P2RY8: variants seen among roughly 807,000 people sequenced by gnomAD.
P2RY8 encodes the protein P2Y receptor family member 8.
P2RY8 carries 6 observed loss-of-function variants against 10.0 expected under a neutral mutation model. The ratio of observed to expected loss-of-function variants is 0.60; its 90% CI spans 0.33 to 1.19. P2RY8 has a LOEUF of 1.19. Among genes scored for constraint, P2RY8 ranks in the 50% most tolerant of loss-of-function variants. The pLI is 0.04. For synonymous variants in P2RY8, 276 were observed against 252.5 expected (o/e 1.09, Z -0.88); for missense variants, 456 against 542.0 (o/e 0.84, Z 1.58).
chrX:1,504,589 T>A (rs1167766223), intron 1 of P2RY8, among the ~76,000 whole-genome samples: 1 of 152,136 alleles, frequency 6.6e-6, no homozygotes, highest in African/African-American at 2.4e-5. Context: ...CAGTGGCTCA[T>A]GCCTGTCATC....
intron 1 of P2RY8, among the ~76,000 whole-genome samples, chrX:1,519,478 A>C (rs2092375491): frequency 6.6e-6 from 1 of 151,040 alleles, no homozygotes; most frequent in South Asian, 2.1e-4. Context: ...GGTTCCCAAT[A>C]ATCTCTCTGG....
chrX:1,488,181 C>T (rs1230440999), intron 1 of P2RY8, among the ~76,000 whole-genome samples: 1 of 152,132 alleles, frequency 6.6e-6, no homozygotes, highest in Non-Finnish European at 1.5e-5. Context: ...AGCTGAGCCC[C>T]CAGGAGCCCC....
Position 1,464,814 on chromosome X carries a change from G to A in P2RY8, c.*665C>T, listed in dbSNP as rs2091640194. ...TGTGTGTGTGGGGGGAAGTGGGCACGGAGAGTAGCTGACTTGCAGGAGCCC... is the reference window on the plus strand; with the variant it reads ...TGTGTGTGTGGGGGGAAGTGGGCACAGAGAGTAGCTGACTTGCAGGAGCCC... On this transcript the variant is annotated 3_prime_UTR_variant, in exon 2 of 2. Coordinates refer to ENST00000381297, the MANE Select transcript of P2RY8 (RefSeq NM_178129.5). 1 of 233,554 alleles carries A rather than the reference G, an allele frequency of 4.3e-6. No homozygotes were observed. Among genetic ancestry groups the A allele is most frequent in the Non-Finnish European group, 8.5e-6 (1 of 118,294 alleles). The allele number at this position is 233,554 out of a possible 1,614,324, so 14.5% of individuals were successfully genotyped here. A position where few individuals can be genotyped will look rare whatever the true frequency, so the allele number is the denominator to read the frequency against.
chrX:1,524,911 A>ATCCC (rs2092429973), intron 1 of P2RY8, among the ~76,000 whole-genome samples: 1 of 151,270 alleles, frequency 6.6e-6, no homozygotes, highest in Admixed American at 6.6e-5. Flanking sequence ...CCATCCATCC[A>ATCCC]TCCATCCATC....
chrX:1,481,005 G>C (rs781158932), intron 1 of P2RY8, among the ~76,000 whole-genome samples: 1 of 151,964 alleles, frequency 6.6e-6, no homozygotes, highest in East Asian at 1.9e-4. Context: ...AGCTCATCAG[G>C]GAATTGCAAA....
intron 1 of P2RY8, among the ~76,000 whole-genome samples, chrX:1,523,347 C>A (rs766585485): frequency 6.6e-6 from 1 of 152,212 alleles, no homozygotes; most frequent in East Asian, 1.9e-4. Flanking sequence ...CCCCAATATT[C>A]TCCCTGGTAC....
Position 1,462,971 on chromosome X carries a change from T to C in P2RY8, c.*2508A>G, listed in dbSNP as rs1176085690. On this transcript the variant is annotated 3_prime_UTR_variant, in exon 2 of 2. Transcript: ENST00000381297. ...AGCCAAGTGGCTGCAAAAATCATCA[T>C]ACTGACAAAAAAAAAAAATCGACGC... The C allele has an allele frequency of 7.3e-5, 11 of 149,746 alleles. No homozygotes were observed. Among genetic ancestry groups the C allele is most frequent in the Non-Finnish European group, 1.5e-4 (11 of 75,174 alleles). The allele number at this position is 149,746 out of a possible 1,614,324, so 9.3% of individuals were successfully genotyped here.
chrX:1,510,149 C>T (rs1241781365), intron 1 of P2RY8, among the ~76,000 whole-genome samples: 1 of 152,022 alleles, frequency 6.6e-6, no homozygotes, highest in Non-Finnish European at 1.5e-5. Flanking sequence ...CTATGTATTA[C>T]CTATCTATCT....
At chrX:1,500,318 C>G (rs1176115461) in intron 1 of P2RY8, among the ~76,000 whole-genome samples, 1 of 151,988 alleles carries the variant, frequency 6.6e-6, no homozygotes, top group African/African-American at 2.4e-5. Context: ...CACTCTGTTG[C>G]CCAGGCTGGA....
intron 1 of P2RY8, among the ~76,000 whole-genome samples, chrX:1,496,985 G>A (rs6645257): frequency 2.0e-5 from 3 of 149,522 alleles, no homozygotes; most frequent in African/African-American, 7.4e-5. Flanking sequence ...TTGGGAGGCC[G>A]AGGCGGGTGG....
intron 1 of P2RY8, among the ~76,000 whole-genome samples, chrX:1,524,119 G>A (rs1227207617): frequency 6.6e-6 from 1 of 152,106 alleles, no homozygotes; most frequent in Non-Finnish European, 1.5e-5. Context: ...CCCCGTTCCT[G>A]TTTGATTTTC....
rs773453006 is a variant in P2RY8 at position 1,531,815 on chromosome X, C to T, written c.-25+5106G>A. On this transcript the variant is annotated intron_variant, in intron 1 of 1. Transcript: ENST00000381297. ...CTCAGCGGCATGAAAACACGCTCAA[C>T]ATCACGAATGATCAGGGAAATGCAA... Among the ~76,000 whole-genome samples the T allele has an allele frequency of 5.9e-5, 9 of 152,320 alleles. No individual in the cohort carries two copies. In the South Asian group the frequency reaches 1.9e-3, roughly 32 times the overall value.
intron 1 of P2RY8, among the ~76,000 whole-genome samples, chrX:1,501,979 T>G (rs1225125305): frequency 5.3e-5 from 8 of 152,074 alleles, no homozygotes; most frequent in Non-Finnish European, 8.8e-5. Flanking sequence ...GCTGTGATCT[T>G]GCCTCACTGC....
chrX:1,475,277 G>T (rs1352768824), intron 1 of P2RY8, among the ~76,000 whole-genome samples: 1 of 151,472 alleles, frequency 6.6e-6, no homozygotes, highest in Non-Finnish European at 1.5e-5. Context: ...ATGGATGAGT[G>T]GGTAGATGGG....
At chrX:1,527,853 C>G (rs1401268804) in intron 1 of P2RY8, among the ~76,000 whole-genome samples, 1 of 152,222 alleles carries the variant, frequency 6.6e-6, no homozygotes, top group African/African-American at 2.4e-5. Flanking sequence ...TTTATGCAGC[C>G]ATCCATTCAA....
chrX:1,504,534 C>T (rs1241401222), intron 1 of P2RY8, among the ~76,000 whole-genome samples: 3 of 152,138 alleles, frequency 2.0e-5, no homozygotes, highest in Non-Finnish European at 2.9e-5. Flanking sequence ...GGAAACTTCC[C>T]TCTGTTGAAA....
At position 1,537,007 on chromosome X, in the gene P2RY8, C is replaced by T. The variant is rs2092532503; in HGVS notation, c.-111G>A. ...TGCAACGCTTAAGTCGACGGCCGTG[C>T]CTCAGAGCCCGGGACTCGGGGGGCC... On this transcript the variant is annotated 5_prime_UTR_variant, in exon 1 of 2. Coordinates refer to ENST00000381297, the MANE Select transcript of P2RY8 (RefSeq NM_178129.5). 2 of 232,150 alleles carry T rather than the reference C, an allele frequency of 8.6e-6. No individual in the cohort carries two copies. Among genetic ancestry groups the T allele is most frequent in the South Asian group, 1.8e-4 (1 of 5,512 alleles). 14.4% of individuals were successfully genotyped at this position (232,150 alleles called of 1,614,324 possible). A position where few individuals can be genotyped will look rare whatever the true frequency, so the allele number is the denominator to read the frequency against.
chrX:1,530,530 ATATG>A (rs1469560242), intron 1 of P2RY8, among the ~76,000 whole-genome samples: 1 of 148,136 alleles, frequency 6.8e-6, no homozygotes, highest in East Asian at 2.0e-4. Flanking sequence ...ATGTACGTAC[ATATG>A]TATGTATCTA....
intron 1 of P2RY8, among the ~76,000 whole-genome samples, chrX:1,514,123 G>C (rs1262247438): frequency 6.6e-6 from 1 of 152,074 alleles, no homozygotes; most frequent in Non-Finnish European, 1.5e-5. Context: ...TTAGCCCTGA[G>C]GTTCTTGTGT....
Sources: allele counts gnomAD v4.1 joint callset (sites outside exome capture counted in the v4.1 genomes callset), GRCh38; gene constraint gnomAD v4.1.1; transcripts MANE v1.5; gene names NCBI Gene and HGNC (gene_info 2026-07-23, HGNC 2026-07-21).